The following DLGAP2 variants were observed in gnomAD, a reference collection of about 807,000 sequenced individuals.
DLGAP2 encodes the protein disks large-associated protein 2.
In DLGAP2, 26 loss-of-function variants were observed where a neutral mutation model predicts 100.3. The ratio of observed to expected loss-of-function variants is 0.26; its 90% CI spans 0.19 to 0.36. The LOEUF (loss-of-function observed/expected upper bound fraction) is 0.36, where lower values mean the gene tolerates loss of function less well. DLGAP2 is among the 10% of genes least tolerant of loss of function. The pLI, the probability that DLGAP2 is intolerant of heterozygous loss-of-function variation, is 1.00. For synonymous variants in DLGAP2, 886 were observed against 630.1 expected (o/e 1.41, Z -6.08); for missense variants, 1,858 against 1,453.2 (o/e 1.28, Z -4.53).
chr8:1,184,483 G>T (rs1210900310), intron 2 of DLGAP2, among the ~76,000 whole-genome samples: 1 of 152,216 alleles, frequency 6.6e-6, no homozygotes, highest in East Asian at 1.9e-4. Flanking sequence ...TTCTCTGGGA[G>T]CCAGTGGGTA....
intron 4 of DLGAP2, among the ~76,000 whole-genome samples, chr8:1,529,198 G>T (rs1800900584): frequency 6.6e-6 from 1 of 152,220 alleles, no homozygotes; most frequent in African/African-American, 2.4e-5. Context: ...ACTTCACAAG[G>T]TAGCAGGAAG....
chr8:778,309 G>C (rs545110256), intron 1 of DLGAP2, among the ~76,000 whole-genome samples: 1 of 152,206 alleles, frequency 6.6e-6, no homozygotes, highest in Non-Finnish European at 1.5e-5. Context: ...TCGTAGCTCA[G>C]AGTAATTTGA....
intron 2 of DLGAP2, among the ~76,000 whole-genome samples, chr8:1,134,924 G>A (rs918792699): frequency 1.3e-5 from 2 of 152,078 alleles, no homozygotes; most frequent in African/African-American, 4.8e-5. Flanking sequence ...AAACACTTGG[G>A]GGTTACCATA....
chr8:1,352,012 C>G (rs1350952225), intron 3 of DLGAP2, among the ~76,000 whole-genome samples: 1 of 62,748 alleles, frequency 1.6e-5, no homozygotes, highest in Non-Finnish European at 3.4e-5. Flanking sequence ...AAAGGCCGTG[C>G]GGATCCTGAC....
chr8:1,041,861 C>G (rs576851390), intron 2 of DLGAP2, among the ~76,000 whole-genome samples: 1 of 151,100 alleles, frequency 6.6e-6, no homozygotes, highest in African/African-American at 2.4e-5. Context: ...AGCCCTTTGC[C>G]GTGGGTCAGC....
Position 1,645,775 on chromosome 8 carries a change from G to C in DLGAP2, c.1810+12729G>C, listed in dbSNP as rs77295347. Among the ~76,000 whole-genome samples the C allele has an allele frequency of 3.7e-3, 570 of 152,182 alleles. 4 individuals are homozygous for C. Among genetic ancestry groups the C allele is most frequent in the African/African-American group, 0.012 (489 of 41,512 alleles). ...CAAGAGTCATTGACATGATTTAATAGGATATTTTTGGACTTAAACAAAATT... is the reference window on the plus strand; with the variant it reads ...CAAGAGTCATTGACATGATTTAATACGATATTTTTGGACTTAAACAAAATT... On this transcript the variant is annotated intron_variant, in intron 8 of 14. Transcript: ENST00000637795.
chr8:1,444,082 C>G (rs1797914449), intron 3 of DLGAP2, among the ~76,000 whole-genome samples: 1 of 152,080 alleles, frequency 6.6e-6, no homozygotes, highest in Non-Finnish European at 1.5e-5. Context: ...CTCCCTACAC[C>G]TCCCTCTACC....
chr8:1,482,751 C>G (rs1314574049), intron 3 of DLGAP2, among the ~76,000 whole-genome samples: 3 of 152,366 alleles, frequency 2.0e-5, no homozygotes, highest in Non-Finnish European at 4.4e-5. Flanking sequence ...GGCGTCTCCC[C>G]GCCCCAAACA....
chr8:1,316,408 C>G (rs1336050386), intron 3 of DLGAP2, among the ~76,000 whole-genome samples: 1 of 128,110 alleles, frequency 7.8e-6, no homozygotes, highest in African/African-American at 3.0e-5. Flanking sequence ...AAAAATAGAG[C>G]GTGTGCGAGT....
At chr8:1,441,683 CAAAAAAAA>C (rs35789497) in intron 3 of DLGAP2, among the ~76,000 whole-genome samples, 1,997 of 74,636 alleles carry the variant, frequency 0.027, 47 homozygotes, top group African/African-American at 0.078. Flanking sequence ...GACTCCATCT[CAAAAAAAA>C]AAAAAAAAAA....
chr8:816,184 T>G (rs182313847), intron 1 of DLGAP2, among the ~76,000 whole-genome samples: 5 of 152,308 alleles, frequency 3.3e-5, no homozygotes, highest in African/African-American at 1.2e-4. Flanking sequence ...ATCTTTTAAG[T>G]GGAACATTTA....
intron 3 of DLGAP2, among the ~76,000 whole-genome samples, chr8:1,268,299 G>A (rs1799509423): frequency 6.6e-6 from 1 of 152,140 alleles, no homozygotes; most frequent in African/African-American, 2.4e-5. Flanking sequence ...CTATTTTCTT[G>A]TTGCTAAACA....
chr8:983,241 C>T (rs142812244), intron 2 of DLGAP2, among the ~76,000 whole-genome samples: 1 of 152,040 alleles, frequency 6.6e-6, no homozygotes, highest in Non-Finnish European at 1.5e-5. Context: ...TCGAGATGTT[C>T]TTGTGTCCCT....
At chr8:1,097,772 C>T (rs1804433667) in intron 2 of DLGAP2, among the ~76,000 whole-genome samples, 1 of 132,306 alleles carries the variant, frequency 7.6e-6, no homozygotes, top group East Asian at 2.4e-4. Context: ...CCCTTTGTGG[C>T]ATGGAGAGGA....
At chr8:1,212,534 T>C (rs572398994) in intron 2 of DLGAP2, among the ~76,000 whole-genome samples, 2 of 152,282 alleles carry the variant, frequency 1.3e-5, no homozygotes, top group East Asian at 3.9e-4. Context: ...AATCTCAGTG[T>C]CCACACACTT....
chr8:771,490 G>A (rs551281614), intron 1 of DLGAP2, among the ~76,000 whole-genome samples: 381 of 152,306 alleles, frequency 2.5e-3, no homozygotes, highest in African/African-American at 8.3e-3. Flanking sequence ...AAGGCAGGCC[G>A]GCTAGCTCTG....
In DLGAP2 at chr8:783,831, G is replaced by A. The variant is rs116232809; in HGVS notation, c.18+46006G>A. On this transcript the variant is annotated intron_variant, in intron 1 of 14. Coordinates refer to ENST00000637795, the MANE Select transcript of DLGAP2 (RefSeq NM_001346810.2). ...AGTTTGGGGTATCTGTCTCACTGCT[G>A]GTGAAGTTAGTGACTCTAATCAATG... Among the ~76,000 whole-genome samples the A allele has an allele frequency of 4.8e-3, 737 of 152,218 alleles. 4 individuals carry two copies. Among genetic ancestry groups the A allele is most frequent in the African/African-American group, 0.017 (704 of 41,548 alleles).
intron 13 of DLGAP2, among the ~76,000 whole-genome samples, chr8:1,692,778 T>C (rs1246989310): frequency 6.6e-6 from 1 of 151,998 alleles, no homozygotes; most frequent in African/African-American, 2.4e-5. Flanking sequence ...ACTAGATGAT[T>C]AATACAGTTG....
rs111836129 is a variant in DLGAP2 at position 1,062,045 on chromosome 8, GA to G, written c.73+154090del. On this transcript the variant is annotated intron_variant, in intron 2 of 14. Transcript: ENST00000637795. ...GAAATGAGATTATAGACATTTATCTGAAAAAAAAAAACAGGAGATAGAGGCA... is the reference window on the plus strand; with the variant it reads ...GAAATGAGATTATAGACATTTATCTGAAAAAAAAAACAGGAGATAGAGGCA... Among the ~76,000 whole-genome samples the G allele has an allele frequency of 6.7e-3, 985 of 146,040 alleles. 13 individuals are homozygous for G. The highest frequency in any genetic ancestry group is 0.021 in the African/African-American group (844 of 39,724).
Sources: gnomAD v4.1 joint callset for allele counts (sites outside exome capture counted in the v4.1 genomes callset) on GRCh38, gnomAD v4.1.1 for gene constraint, MANE v1.5 for transcripts, NCBI Gene and HGNC (gene_info 2026-07-23, HGNC 2026-07-21) for gene names.